Variants in GALNT2 observed in about 807,000 individuals in gnomAD.
GALNT2 encodes the protein UDP-GalNAc:polypeptide N-acetylgalactosaminyltransferase 2.
In GALNT2, 31 loss-of-function variants were observed where a neutral mutation model predicts 81.4. That is an observed-to-expected ratio of 0.38 (90% CI 0.29 to 0.51). The LOEUF is 0.51. Ranked by LOEUF, GALNT2 falls within the 20% of genes least tolerant of loss-of-function variation. The probability of loss-of-function intolerance (pLI) is 0.87; values close to 1 mark genes in which losing one functional copy is unlikely to be tolerated. For missense variants in GALNT2, 629 were observed against 765.7 expected (o/e 0.82, Z 2.11); for synonymous variants, 303 against 287.4 (o/e 1.05, Z -0.55).
chr1:230,136,430 GA>G (rs1364058528), intron 1 of GALNT2, among the ~76,000 whole-genome samples: 9 of 152,106 alleles, frequency 5.9e-5, no homozygotes, highest in Non-Finnish European at 1.3e-4. Context: ...TTTAGACATC[GA>G]ACCTAATGTT....
intron 1 of GALNT2, among the ~76,000 whole-genome samples, chr1:230,067,936 G>T (rs1335510093): frequency 6.6e-6 from 1 of 152,094 alleles, no homozygotes; most frequent in Non-Finnish European, 1.5e-5. Flanking sequence ...CTTTACCTTT[G>T]GGGGGCAGGG....
At chr1:230,237,842 T>C (rs1338132723) in intron 6 of GALNT2, among the ~76,000 whole-genome samples, 1 of 140,084 alleles carries the variant, frequency 7.1e-6, no homozygotes, top group Non-Finnish European at 1.6e-5. Context: ...GCACAGGCTT[T>C]AAAAAAAAAA....
intron 3 of GALNT2, among the ~76,000 whole-genome samples, chr1:230,212,087 G>A (rs1224251957): frequency 1.3e-5 from 2 of 152,172 alleles, no homozygotes; most frequent in African/African-American, 4.8e-5. Context: ...GGATTTTACA[G>A]TTACTAAGCC....
rs374423656 is a variant in GALNT2, at chr1:230,193,090, TC to T, written c.221-10045del. Among the ~76,000 whole-genome samples the T allele has an allele frequency of 1.6e-3, 240 of 152,324 alleles. No homozygotes were observed. The highest frequency in any genetic ancestry group is 5.5e-3 in the African/African-American group (230 of 41,566). On this transcript the variant is annotated intron_variant, in intron 2 of 15. Coordinates refer to ENST00000366672, the MANE Select transcript of GALNT2 (RefSeq NM_004481.5). The surrounding 1 kb of genome is among the most constrained non-coding windows in gnomAD (Gnocchi z 4.3). ...CAACCAAATAAATCTGAGAGCCTTG[TC>T]CTTTGATATTAAATACATTCTGTTT...
At chr1:230,084,897 G>A (rs1471660462) in intron 1 of GALNT2, among the ~76,000 whole-genome samples, 1 of 152,130 alleles carries the variant, frequency 6.6e-6, no homozygotes, top group Non-Finnish European at 1.5e-5. Flanking sequence ...ATGGGATTAG[G>A]GGAGACAAGA....
At position 230,094,163 on chromosome 1, in the gene GALNT2, AT is replaced by A. The variant is rs58639878; in HGVS notation, c.126+26784del. 4.3e-3 allele frequency among the ~76,000 whole-genome samples: 508 copies of A among 119,342 alleles called. 2 individuals carry two copies. The highest frequency in any genetic ancestry group is 0.017 in the Admixed American group (191 of 11,166). 78.3% of individuals were successfully genotyped at this position (119,342 alleles called of 152,430 possible). On this transcript the variant is annotated intron_variant, in intron 1 of 15. Transcript: ENST00000366672. Reference sequence around the variant, plus strand: ...CAGGTGTGTGCCACCATGCTGGCTAATTTTTTTTTTTTTTTTTTTTTTTTTT... The same window carrying A: ...CAGGTGTGTGCCACCATGCTGGCTAATTTTTTTTTTTTTTTTTTTTTTTTT...
At chr1:230,253,338 T>G (rs572791052) in intron 10 of GALNT2, among the ~76,000 whole-genome samples, 24 of 152,118 alleles carry the variant, frequency 1.6e-4, no homozygotes, top group Non-Finnish European at 2.1e-4. Context: ...AAGTAGAAAC[T>G]CATGGTGTTC....
At chr1:230,242,644 T>C (rs139946295) in intron 6 of GALNT2, among the ~76,000 whole-genome samples, 174 of 152,198 alleles carry the variant, frequency 1.1e-3, no homozygotes, top group African/African-American at 3.9e-3. Context: ...CACCTCAGCC[T>C]CCCGAGCAGC....
At chr1:230,130,526 G>A (rs533968931) in intron 1 of GALNT2, among the ~76,000 whole-genome samples, 1 of 152,318 alleles carries the variant, frequency 6.6e-6, no homozygotes, top group South Asian at 2.1e-4. Context: ...TGATACAGAG[G>A]CAGTTTGGGG....
intron 1 of GALNT2, among the ~76,000 whole-genome samples, chr1:230,097,563 G>A (rs1392394844): frequency 1.3e-5 from 2 of 152,188 alleles, no homozygotes; most frequent in African/African-American, 4.8e-5. Flanking sequence ...CTGTTAGAGC[G>A]TGTGTCGGAA....
intron 10 of GALNT2, 142 bp downstream of exon 10, chr1:230,250,702 C>T (rs577633999): frequency 1.7e-6 from 1 of 573,918 alleles, no homozygotes; most frequent in African/African-American, 1.9e-5. Flanking sequence ...ATATGTAACA[C>T]CCCTTTTGCT....
intron 14 of GALNT2, among the ~76,000 whole-genome samples, chr1:230,269,682 G>T (rs1269568324): frequency 3.3e-5 from 5 of 151,542 alleles, no homozygotes; most frequent in Non-Finnish European, 7.4e-5. Flanking sequence ...ATTGCTTGAG[G>T]CCAGGAGTTC....
intron 1 of GALNT2, among the ~76,000 whole-genome samples, chr1:230,177,916 A>G (rs666718): frequency 0.23 from 34,969 of 151,976 alleles, 4,838 homozygotes; most frequent in African/African-American, 0.38. Context: ...CACCCTCACA[A>G]ATCCCCAAAG....
Position 230,251,259 on chromosome 1 carries a change from C to T in GALNT2, c.1009+699C>T, listed in dbSNP as rs1490316954. Among the ~76,000 whole-genome samples the T allele has an allele frequency of 2.6e-5, 4 of 152,202 alleles. No homozygotes were observed. The South Asian group carries it at 8.3e-4, about 32-fold the overall frequency. ...TGTTTCAAATGCTTGACATTCTGAG[C>T]GAATTCTCCTGGGCTGCTGAGTGTT... On this transcript the variant is annotated intron_variant, in intron 10 of 15. Transcript: ENST00000366672.
intron 14 of GALNT2, among the ~76,000 whole-genome samples, chr1:230,272,177 C>G (rs1666175446): frequency 6.6e-6 from 1 of 152,120 alleles, no homozygotes; most frequent in South Asian, 2.1e-4. Context: ...TCACACTGTC[C>G]TAGAGTATGG....
chr1:230,244,626 G>A (rs1011267954), intron 7 of GALNT2, among the ~76,000 whole-genome samples: 1 of 152,100 alleles, frequency 6.6e-6, no homozygotes, highest in Non-Finnish European at 1.5e-5. Flanking sequence ...GAACTGCTTC[G>A]AACGCCTGCT....
intron 1 of GALNT2, among the ~76,000 whole-genome samples, chr1:230,150,137 G>A (rs1662047704): frequency 6.6e-6 from 1 of 152,248 alleles, no homozygotes; most frequent in South Asian, 2.1e-4. Flanking sequence ...CCTGGATGCG[G>A]AGCCCATGAG....
intron 1 of GALNT2, among the ~76,000 whole-genome samples, chr1:230,161,258 T>C (rs374217425): frequency 1.3e-4 from 20 of 152,300 alleles, no homozygotes; most frequent in African/African-American, 4.6e-4. Context: ...TTGCTAGCTA[T>C]TGTCTGGGGC....
intron 3 of GALNT2, among the ~76,000 whole-genome samples, chr1:230,219,217 A>C (rs1339513451): frequency 6.6e-6 from 1 of 152,144 alleles, no homozygotes; most frequent in Admixed American, 6.5e-5. Flanking sequence ...TGGCCCTTTA[A>C]ACCAAATCTT....
Sources: allele counts gnomAD v4.1 joint callset (sites outside exome capture counted in the v4.1 genomes callset), GRCh38; gene constraint gnomAD v4.1.1; non-coding constraint Gnocchi (gnomAD v3.1); transcripts MANE v1.5; gene names NCBI Gene and HGNC (gene_info 2026-07-23, HGNC 2026-07-21).